The following HERC6 variants were observed in gnomAD, a reference collection of about 807,000 sequenced individuals.
HERC6 encodes the protein probable E3 ubiquitin-protein ligase HERC6.
Under a neutral mutation model 114.5 loss-of-function variants are expected in HERC6, and 101 were observed. That is an observed-to-expected ratio of 0.88 (90% CI 0.75 to 1.04). The LOEUF (loss-of-function observed/expected upper bound fraction) is 1.04, where lower values mean the gene tolerates loss of function less well. Ranked by LOEUF, HERC6 falls within the 50% of genes least tolerant of loss-of-function variation. The probability of loss-of-function intolerance (pLI) is 0.00; values close to 1 mark genes in which losing one functional copy is unlikely to be tolerated. For synonymous variants in HERC6, 408 were observed against 436.2 expected (o/e 0.94, Z 0.81); for missense variants, 1,133 against 1,230.9 (o/e 0.92, Z 1.19).
At chr4:88,435,329 G>A (rs944520271) in intron 17 of HERC6, among the ~76,000 whole-genome samples, 3 of 151,840 alleles carry the variant, frequency 2.0e-5, no homozygotes, top group African/African-American at 7.3e-5. Flanking sequence ...ACTCATGCGA[G>A]GCTCATCTAA....
intron 2 of HERC6, 95 bp downstream of exon 2, chr4:88,383,475 C>A: frequency 1.0e-6 from 1 of 992,360 alleles, no homozygotes; most frequent in Non-Finnish European, 1.4e-6. Context: ...ACGACTATGA[C>A]AGGCCAGCTG....
intron 4 of HERC6, among the ~76,000 whole-genome samples, chr4:88,392,109 T>TC (rs1328799451): frequency 2.4e-5 from 2 of 83,880 alleles, no homozygotes; most frequent in East Asian, 8.5e-4. Context: ...CCCCTTCCGT[T>TC]CCCCCTCTCC....
chr4:88,432,522 C>A (rs1738330755), intron 17 of HERC6, among the ~76,000 whole-genome samples: 1 of 151,982 alleles, frequency 6.6e-6, no homozygotes, highest in Admixed American at 6.6e-5. Flanking sequence ...GAATTCGAGA[C>A]CAGCCTGGCC....
intron 5 of HERC6, among the ~76,000 whole-genome samples, chr4:88,393,930 G>T (rs1054741192): frequency 6.6e-6 from 1 of 152,110 alleles, no homozygotes; most frequent in Admixed American, 6.5e-5. Context: ...CTGCCTTCAT[G>T]ACCTAATCAT....
At chr4:88,419,490 A>G (rs1560556686) in intron 13 of HERC6, among the ~76,000 whole-genome samples, 1 of 152,226 alleles carries the variant, frequency 6.6e-6, no homozygotes, top group Non-Finnish European at 1.5e-5. Flanking sequence ...CTTAAATTCC[A>G]GAGAAGTAGA....
At chr4:88,428,416 G>A (rs1737845748) in intron 15 of HERC6, among the ~76,000 whole-genome samples, 164 bp from the exon 16 acceptor site, 1 of 152,144 alleles carries the variant, frequency 6.6e-6, no homozygotes, top group Non-Finnish European at 1.5e-5. Flanking sequence ...CCTTCCATAA[G>A]GCAGATATGT....
chr4:88,379,099 G>T lies in HERC6; in HGVS notation c.178G>T (p.Ala60Ser). The change falls in exon 1 of 23, where the codon GCG (alanine) becomes TCG (serine). Residue 60 changes from alanine to serine, a missense_variant. Transcript: ENST00000264346. Reference sequence around the variant, plus strand: ...CAGGGGTCAGCTGGGCCGCAGGGGCGCGCAGCGCGGGGAGCTGCCAGGTGA... The same window carrying T: ...CAGGGGTCAGCTGGGCCGCAGGGGCTCGCAGCGCGGGGAGCTGCCAGGTGA... Reference protein sequence around the residue: ...NSRGQLGRRGAQRGELPEPIQ... With the variant: ...NSRGQLGRRGSQRGELPEPIQ... 3 of 1,544,122 alleles carry T rather than the reference G, an allele frequency of 1.9e-6. No homozygotes were observed. The highest frequency in any genetic ancestry group is 2.4e-5 in the South Asian group (2 of 83,994).
chr4:88,424,710 T>C lies in HERC6; in HGVS notation c.1935+8T>C. The C allele has an allele frequency of 6.6e-7, 1 of 1,518,992 alleles. No homozygotes were observed. Among genetic ancestry groups the C allele is most frequent in the South Asian group, 1.2e-5 (1 of 84,766 alleles). The allele number at this position is 1,518,992 out of a possible 1,614,324, so 94.1% of individuals were successfully genotyped here. ...TCACATATAAAGATGCAGGTATGTATGTCCTATTTTTTAGTATGAAAAATT... is the reference window on the plus strand; with the variant it reads ...TCACATATAAAGATGCAGGTATGTACGTCCTATTTTTTAGTATGAAAAATT... On this transcript the variant is annotated splice_region_variant and intron_variant, in intron 15 of 22. Coordinates refer to ENST00000264346, the MANE Select transcript of HERC6 (RefSeq NM_017912.4).
Position 88,417,495 on chromosome 4 carries a change from C to A in HERC6, c.1629C>A (p.Ile543=). The A allele has an allele frequency of 6.2e-7, 1 of 1,611,814 alleles. No homozygotes were observed. Among genetic ancestry groups the A allele is most frequent in the Non-Finnish European group, 8.5e-7 (1 of 1,178,834 alleles). ...TCCAGATGCTTAAAGCAGCCATCAT[C>A]TCTCAGCTGCTTCATCAGACTAAAA... The part of the protein sequence containing the change: ...PLIQMLKAAI[I]SQLLHQTKTE... Residue 543 remains isoleucine, a synonymous_variant, in exon 13 of 23, where the codon ATC becomes ATA. Coordinates refer to ENST00000264346, the MANE Select transcript of HERC6 (RefSeq NM_017912.4).
chr4:88,412,625 T>C (rs1173439031), intron 11 of HERC6, among the ~76,000 whole-genome samples: 3 of 152,176 alleles, frequency 2.0e-5, no homozygotes, highest in African/African-American at 7.2e-5. Flanking sequence ...AAATAAATAA[T>C]ATAAAAATTT....
chr4:88,422,645 T>A (rs1737184104), intron 13 of HERC6, among the ~76,000 whole-genome samples: 1 of 152,216 alleles, frequency 6.6e-6, no homozygotes, highest in Non-Finnish European at 1.5e-5. Context: ...GATATTTTGC[T>A]TATCATATTT....
chr4:88,379,651 A>T (rs542637705), intron 1 of HERC6, among the ~76,000 whole-genome samples: 43 of 99,056 alleles, frequency 4.3e-4, no homozygotes, highest in South Asian at 1.8e-3. Context: ...TATATATATA[A>T]AATATATAAA....
Position 88,413,113 on chromosome 4 carries a change from C to A in HERC6, c.1405C>A (p.Leu469Ile), listed in dbSNP as rs1170020861. 3 of 1,613,456 alleles carry A rather than the reference C, an allele frequency of 1.9e-6. No homozygotes were observed. Among genetic ancestry groups the A allele is most frequent in the Middle Eastern group, 1.7e-4 (1 of 6,052 alleles). ...TCLEDDLLRA[L>I]PCHSPHQEAL... Reference sequence around the variant, plus strand: ...TCTCGAGGATGATCTGCTCAGAGCTCTTCCATGCCATTCTCCACACCAAGA... The same window carrying A: ...TCTCGAGGATGATCTGCTCAGAGCTATTCCATGCCATTCTCCACACCAAGA... The change falls in exon 12 of 23, where the codon CTT (leucine) becomes ATT (isoleucine). Residue 469 changes from leucine to isoleucine, a missense_variant. Leu to Ile is a conservative substitution (Grantham distance 5, BLOSUM62 2). Around this residue, in one of 3 missense-constraint regions of HERC6, gnomAD observed 735 missense variants for 754.0 expected, o/e 0.97. Transcript: ENST00000264346.
At chr4:88,384,515 A>G (rs1734479251) in intron 2 of HERC6, among the ~76,000 whole-genome samples, 1 of 152,200 alleles carries the variant, frequency 6.6e-6, no homozygotes. Flanking sequence ...GTGTTTATGA[A>G]TTACATACTT....
intron 13 of HERC6, among the ~76,000 whole-genome samples, chr4:88,418,820 G>A (rs1340169914): frequency 2.0e-5 from 3 of 152,062 alleles, no homozygotes. Context: ...TCTGCCTCCT[G>A]GGTTCAAGTG....
intron 4 of HERC6, 147 bp downstream of exon 4, chr4:88,391,026 T>G: frequency 1.5e-6 from 1 of 651,366 alleles, no homozygotes; most frequent in Non-Finnish European, 2.6e-6. Context: ...ATTAGTTTCT[T>G]GTTGTAGCGG....
intron 16 of HERC6, 88 bp downstream of exon 16, chr4:88,428,838 G>A: frequency 2.7e-6 from 3 of 1,113,752 alleles, no homozygotes; most frequent in African/African-American, 1.6e-5. Flanking sequence ...AAAAGAGCCT[G>A]CATTTGCCTC....
At chr4:88,437,953 A>C (rs1371069866) in intron 20 of HERC6, among the ~76,000 whole-genome samples, 172 bp downstream of exon 20, 1 of 152,146 alleles carries the variant, frequency 6.6e-6, no homozygotes, top group African/African-American at 2.4e-5. Context: ...AACCTGGCCA[A>C]CATGGCGAAA....
intron 10 of HERC6, among the ~76,000 whole-genome samples, chr4:88,408,089 C>A (rs1264872231): frequency 6.6e-6 from 1 of 152,156 alleles, no homozygotes; most frequent in Admixed American, 6.5e-5. Context: ...CCATGATGAA[C>A]AATTTACATT....
Sources: gnomAD v4.1 joint callset for allele counts (sites outside exome capture counted in the v4.1 genomes callset) on GRCh38, gnomAD v4.1.1 for gene constraint, gnomAD v4.1.1 regional missense constraint, MANE v1.5 for transcripts, NCBI Gene and HGNC (gene_info 2026-07-23, HGNC 2026-07-21) for gene names.